RFX1: variants seen among roughly 807,000 people sequenced by gnomAD.
RFX1 encodes MHC class II regulatory factor RFX1.
In RFX1, 42 loss-of-function variants were observed where a neutral mutation model predicts 119.6. The ratio of observed to expected loss-of-function variants is 0.35; its 90% confidence interval spans 0.27 to 0.45. The LOEUF is 0.45. Ranked by LOEUF, RFX1 falls within the 20% of genes least tolerant of loss-of-function variation. RFX1 has a pLI of 1.00. For missense variants in RFX1, 1,118 were observed against 1,368.1 expected, an observed-to-expected ratio of 0.82 and a Z score of 2.88; for synonymous variants, 628 against 618.5, an observed-to-expected ratio of 1.02 and a Z score of -0.23.
chr19:13,977,716 CTTT>C (rs921939703), intron 8 of RFX1, among the ~76,000 whole-genome samples: 4 of 135,822 alleles, frequency 2.9e-5, no homozygotes, highest in Non-Finnish European at 3.2e-5. Context: ...CGTGCCTGGC[CTTT>C]TTTTTTTTTT....
intron 1 of RFX1, among the ~76,000 whole-genome samples, chr19:14,005,893 C>T (rs1020517429): frequency 1.3e-5 from 2 of 151,798 alleles, no homozygotes; most frequent in Non-Finnish European, 2.9e-5. Flanking sequence ...CTGCGAGCGC[C>T]CGCCCCTCGC....
At position 13,968,899 on chromosome 19, in the gene RFX1, G is replaced by A; in HGVS notation, c.1497-5C>T. 1 of 1,547,708 alleles carries A rather than the reference G, an allele frequency of 6.5e-7. No individual in the cohort carries two copies. Among genetic ancestry groups the A allele is most frequent in the Non-Finnish European group, 8.7e-7 (1 of 1,146,412 alleles). On this transcript the variant is annotated splice_region_variant and splice_polypyrimidine_tract_variant and intron_variant, in intron 10 of 20. Transcript: ENST00000254325. This position sits in a 1 kb window ranked among gnomAD's most constrained non-coding sequence, Gnocchi z 5.5. ...TAGTGGTACTTGGAGTTGCCCCTGGGAGGGAGGTGGAGGGGAAGGGCTGGG... is the reference window on the plus strand; with the variant it reads ...TAGTGGTACTTGGAGTTGCCCCTGGAAGGGAGGTGGAGGGGAAGGGCTGGG...
chr19:13,980,575 C>A lies in RFX1; in HGVS notation c.736G>T (p.Glu246Ter). The A allele has an allele frequency of 6.4e-7, 1 of 1,566,274 alleles. No individual in the cohort carries two copies. Among genetic ancestry groups the A allele is most frequent in the South Asian group, 1.2e-5 (1 of 86,534 alleles). ...GVQQSVPVTQ[E>*]RSVVQATPQA... ...CACTGCCCGCCTTGGCCTGGCACCT[C>A]TTGGGTGACGGGGACACTCTGCTGG... The change falls in exon 6 of 21, where the codon GAG becomes TAG. Residue 246 changes from glutamate (E) to a stop codon, truncating the protein, a stop_gained and splice_region_variant. Transcript: ENST00000254325. LOFTEE classifies it high-confidence loss of function. This position sits in a 1 kb window ranked among gnomAD's most constrained non-coding sequence, Gnocchi z 5.1.
rs1291851466 is a variant in RFX1 at position 13,973,072 on chromosome 19, T to C, written c.985A>G (p.Thr329Ala). Reference protein sequence around the residue: ...ETPLYTQTASTSYYEAAGTAT... With the variant: ...ETPLYTQTASASYYEAAGTAT... The stretch of plus-strand genomic sequence containing the variant: ...GTGCCTGCGGCCTCGTAGTAGCTGG[T>C]GCTTGCCGTCTGCGTGTACAGCGGC... The change falls in exon 9 of 21, where the codon ACC becomes GCC. Residue 329 changes from threonine (T) to alanine (A), a missense_variant. By Grantham distance (58) the Thr-to-Ala change is moderately conservative. This residue lies in a region of RFX1 where 542 missense variants were observed against 602.7 expected (regional missense o/e 0.90). Coordinates refer to ENST00000254325, the MANE Select transcript of RFX1 (RefSeq NM_002918.5). The C allele has an allele frequency of 6.2e-7, 1 of 1,601,466 alleles. No individual in the cohort carries two copies. Among genetic ancestry groups the C allele is most frequent in the African/African-American group, 1.3e-5 (1 of 74,832 alleles).
At chr19:14,002,155 CA>C in intron 1 of RFX1, among the ~76,000 whole-genome samples, 1 of 150,288 alleles carries the variant, frequency 6.7e-6, no homozygotes, top group Admixed American at 6.7e-5. Flanking sequence ...CAAACCGAAA[CA>C]AAACAAAAAT....
chr19:13,980,772 G>A lies in RFX1; in HGVS notation c.622-83C>T. 2.4e-6 allele frequency: 2 copies of A among 839,992 alleles called. No homozygotes were observed. The highest frequency in any genetic ancestry group is 3.7e-6 in the Non-Finnish European group (2 of 535,602). The allele number at this position is 839,992 out of a possible 1,614,324, so 52.0% of individuals were successfully genotyped here. A position where few individuals can be genotyped will look rare whatever the true frequency, so the allele number is the denominator to read the frequency against. Reference sequence around the variant, plus strand: ...TGGGCTCACACACACACCCTTCTCAGGAGAGCTGTCTGGGGAGGGCGGCAG... The same window carrying A: ...TGGGCTCACACACACACCCTTCTCAAGAGAGCTGTCTGGGGAGGGCGGCAG... On this transcript the variant is annotated intron_variant, in intron 5 of 20. Coordinates refer to ENST00000254325, the MANE Select transcript of RFX1 (RefSeq NM_002918.5). This position sits in a 1 kb window ranked among gnomAD's most constrained non-coding sequence, Gnocchi z 5.1.
intron 1 of RFX1, among the ~76,000 whole-genome samples, chr19:13,998,886 C>T (rs1975120977): frequency 6.6e-6 from 1 of 152,162 alleles, no homozygotes; most frequent in African/African-American, 2.4e-5. Context: ...CTGGCTCTTT[C>T]TCCTCCTAGG....
Position 13,984,876 on chromosome 19 carries a change from T to C in RFX1, c.320-1281A>G, listed in dbSNP as rs558036450. ...CCAGAGATAGAGCTTTTTTGTTTTT[T>C]TGAGACAGGGTTTCGCTCTGTCACC... On this transcript the variant is annotated intron_variant, in intron 2 of 20. Transcript: ENST00000254325. 5.3e-5 allele frequency among the ~76,000 whole-genome samples: 8 copies of C among 152,294 alleles called. 1 individual carries two copies. Among genetic ancestry groups the C allele is most frequent in the Admixed American group, 4.6e-4 (7 of 15,288 alleles).
At chr19:13,996,140 C>A (rs1261340265) in intron 1 of RFX1, among the ~76,000 whole-genome samples, 1 of 152,232 alleles carries the variant, frequency 6.6e-6, no homozygotes, top group Non-Finnish European at 1.5e-5. Context: ...GGCTCAGCCC[C>A]ACTGTAGCAG....
At chr19:13,999,843 C>T (rs185265221) in intron 1 of RFX1, among the ~76,000 whole-genome samples, 2,001 of 152,088 alleles carry the variant, frequency 0.013, 53 homozygotes, top group African/African-American at 0.046. Flanking sequence ...GCCTGGCTAG[C>T]TTTTGTATTT....
chr19:13,963,156 G>C lies in RFX1; in HGVS notation c.2690C>G (p.Ala897Gly). 6.2e-7 allele frequency: 1 copy of C among 1,612,446 alleles called. No homozygotes were observed. Among genetic ancestry groups the C allele is most frequent in the Non-Finnish European group, 8.5e-7 (1 of 1,179,316 alleles). ...YYLIEHRVAQAKGETPIAVMG... is the reference protein window; with the variant it reads ...YYLIEHRVAQGKGETPIAVMG... ...GACGGCGATGGGGGTCTCGCCCTTG[G>C]CCTGGGCTACGCGGTGCTCGATCAG... Residue 897 changes from alanine to glycine, a missense_variant, in exon 19 of 21, where the codon GCC becomes GGC. This residue lies in a region of RFX1 where 138 missense variants were observed against 117.8 expected (regional missense o/e 1.17). Coordinates refer to ENST00000254325, the MANE Select transcript of RFX1 (RefSeq NM_002918.5).
In RFX1 at chr19:13,990,182, G is replaced by C. The variant is rs1230180056; in HGVS notation, c.319+3343C>G. On this transcript the variant is annotated intron_variant, in intron 2 of 20. Transcript: ENST00000254325. This position sits in a 1 kb window ranked among gnomAD's most constrained non-coding sequence, Gnocchi z 4.1. ...AGGGAGAACTACAGGAGCTAAGAGA[G>C]GTTCCCAGGTCTGAGTCTGGGGCTC... Among the ~76,000 whole-genome samples, 2 of 152,118 alleles carry C rather than the reference G, an allele frequency of 1.3e-5. No homozygotes were observed. Among genetic ancestry groups the C allele is most frequent in the African/African-American group, 4.8e-5 (2 of 41,408 alleles).
rs964840171 is a variant in RFX1 at position 13,965,897 on chromosome 19, AC to A, written c.1962-121del. 6.9e-5 allele frequency: 84 copies of A among 1,221,878 alleles called. No homozygotes were observed. The highest frequency in any genetic ancestry group is 9.1e-5 in the Non-Finnish European group (80 of 874,446). 75.7% of individuals were successfully genotyped at this position (1,221,878 alleles called of 1,614,324 possible). On this transcript the variant is annotated intron_variant, in intron 14 of 20. Coordinates refer to ENST00000254325, the MANE Select transcript of RFX1 (RefSeq NM_002918.5). The surrounding 1 kb of genome is among the most constrained non-coding windows in gnomAD (Gnocchi z 4.7). ...GGTCACTGGGGTACTCTGTGGTTCT[AC>A]CCCCAGCATCAGAAGGCACAGGTAC...
chr19:13,985,043 T>C lies in RFX1; in HGVS notation c.320-1448A>G, dbSNP rs1182151724. Among the ~76,000 whole-genome samples the C allele has an allele frequency of 3.3e-5, 5 of 152,148 alleles. No individual in the cohort carries two copies. The highest frequency in any genetic ancestry group is 1.2e-4 in the African/African-American group (5 of 41,424). On this transcript the variant is annotated intron_variant, in intron 2 of 20. Coordinates refer to ENST00000254325, the MANE Select transcript of RFX1 (RefSeq NM_002918.5). The surrounding 1 kb of genome is among the most constrained non-coding windows in gnomAD (Gnocchi z 4.3). ...GTCCGGCTAATTTTTGTATTTTTAA[T>C]AGGGACTGGGGTCTTGCTATATTGC...
At position 13,968,068 on chromosome 19, in the gene RFX1, A is replaced by C. The variant is rs1973961409; in HGVS notation, c.1732+497T>G. 6.6e-6 allele frequency among the ~76,000 whole-genome samples: 1 copy of C among 152,034 alleles called. No homozygotes were observed. The highest frequency in any genetic ancestry group is 1.5e-5 in the Non-Finnish European group (1 of 67,996). On this transcript the variant is annotated intron_variant, in intron 12 of 20. Transcript: ENST00000254325. This position sits in a 1 kb window ranked among gnomAD's most constrained non-coding sequence, Gnocchi z 5.5. ...CAGGAGTTCGAGACCAGCCTAGCCA[A>C]GATGGTGAAACCCCATCTCTCCTAA...
chr19:13,962,898 GGGT>G, intron 20 of RFX1, 34 bp from the exon 21 acceptor site: 6 of 1,537,812 alleles, frequency 3.9e-6, no homozygotes, highest in Non-Finnish European at 5.3e-6. Flanking sequence ...GCTCGGGGCG[GGGT>G]GGCAACGCCC....
At chr19:13,978,381 A>G (rs1379426705) in intron 7 of RFX1, among the ~76,000 whole-genome samples, 1 of 152,034 alleles carries the variant, frequency 6.6e-6, no homozygotes, top group Non-Finnish European at 1.5e-5. Flanking sequence ...GTTGGACCCC[A>G]GGCACAGGGG....
intron 9 of RFX1, among the ~76,000 whole-genome samples, chr19:13,970,406 G>A (rs763697674): frequency 1.3e-5 from 2 of 152,086 alleles, no homozygotes; most frequent in Admixed American, 6.6e-5. Context: ...GGCCGGGCAC[G>A]GCTCACCCCT....
rs1218812111 is a variant in RFX1 at position 13,962,522 on chromosome 19, A to G, written c.*173T>C. 1 of 585,454 alleles carries G rather than the reference A, an allele frequency of 1.7e-6. No homozygotes were observed. The highest frequency in any genetic ancestry group is 3.6e-5 in the Admixed American group (1 of 27,724). 36.3% of individuals were successfully genotyped at this position (585,454 alleles called of 1,614,324 possible). On this transcript the variant is annotated 3_prime_UTR_variant, in exon 21 of 21. Coordinates refer to ENST00000254325, the MANE Select transcript of RFX1 (RefSeq NM_002918.5). ...AGAGTTTGCAGCTGCGGCTCCGCCCAGCCCACTGATTGTGCCGGCCCCATA... is the reference window on the plus strand; with the variant it reads ...AGAGTTTGCAGCTGCGGCTCCGCCCGGCCCACTGATTGTGCCGGCCCCATA...
Sources: allele counts gnomAD v4.1 joint callset (sites outside exome capture counted in the v4.1 genomes callset), GRCh38; gene constraint gnomAD v4.1.1; regional missense constraint gnomAD v4.1.1; non-coding constraint Gnocchi (gnomAD v3.1); transcripts MANE v1.5; gene names NCBI Gene and HGNC (gene_info 2026-07-23, HGNC 2026-07-21).